The following PLCG1 variants were observed in gnomAD, a reference collection of about 807,000 sequenced individuals.
PLCG1 encodes phospholipase C gamma 1, also known as 1-phosphatidylinositol 4,5-bisphosphate phosphodiesterase gamma-1.
A neutral mutation model predicts 177.8 loss-of-function variants in PLCG1; 71 were observed. The ratio of observed to expected loss-of-function variants is 0.40; its 90% CI spans 0.33 to 0.49. The LOEUF is 0.49. Ranked by LOEUF, PLCG1 falls within the 20% of genes least tolerant of loss-of-function variation. The pLI is 0.72. For missense variants in PLCG1, 1,281 were observed against 1,709.0 expected, an observed-to-expected ratio of 0.75 and a Z score of 4.42; for synonymous variants, 658 against 647.9, an observed-to-expected ratio of 1.02 and a Z score of -0.24.
chr20:41,149,827 CAGAGCTTCAAGGAG>C (rs2035110387), intron 1 of PLCG1, among the ~76,000 whole-genome samples: 1 of 152,118 alleles, frequency 6.6e-6, no homozygotes, highest in Non-Finnish European at 1.5e-5. Flanking sequence ...AAATCAAGGG[CAGAGCTTCAAGGAG>C]AGAGGGCGTG....
rs2146020506 is a variant in PLCG1 at position 41,153,778 on chromosome 20, C to G, written c.218-5828C>G. Among the ~76,000 whole-genome samples, 1 of 152,252 alleles carries G rather than the reference C, an allele frequency of 6.6e-6. No homozygotes were observed. The highest frequency in any genetic ancestry group is 2.1e-4 in the South Asian group (1 of 4,812). On this transcript the variant is annotated intron_variant, in intron 1 of 31. Transcript: ENST00000685551. This position sits in a 1 kb window ranked among gnomAD's most constrained non-coding sequence, Gnocchi z 5.1. ...GGGCATGGTGGTGTGCATCTGTAAT[C>G]CCAGCTACTTGGGAGACTGAGGTAT... is the stretch of plus-strand genomic sequence containing the variant.
At position 41,167,741 on chromosome 20, in the gene PLCG1, A is replaced by G. The variant is rs996900777; in HGVS notation, c.2302-111A>G. 6 of 743,078 alleles carry G rather than the reference A, an allele frequency of 8.1e-6. No individual in the cohort carries two copies. The African/African-American group carries it at 1.0e-4, about 13-fold the overall frequency. 46.0% of individuals were successfully genotyped at this position (743,078 alleles called of 1,614,324 possible). A position where few individuals can be genotyped will look rare whatever the true frequency, so the allele number is the denominator to read the frequency against. On this transcript the variant is annotated intron_variant, in intron 19 of 31. Transcript: ENST00000685551. The surrounding 1 kb of genome is among the most constrained non-coding windows in gnomAD (Gnocchi z 4.4). ...TGAGGTCGAAGGATCCCTGTGGATCAGGTGCAAGTTTGCTGCACTGGGGGA... is the reference window on the plus strand; with the variant it reads ...TGAGGTCGAAGGATCCCTGTGGATCGGGTGCAAGTTTGCTGCACTGGGGGA...
rs745901316 is a variant in PLCG1 at position 41,163,172 on chromosome 20, A to G, written c.717-31A>G. 6 of 1,548,344 alleles carry G rather than the reference A, an allele frequency of 3.9e-6. No homozygotes were observed. The highest frequency in any genetic ancestry group is 5.2e-6 in the Non-Finnish European group (6 of 1,147,682). On this transcript the variant is annotated intron_variant, in intron 7 of 31. Transcript: ENST00000685551. This position sits in a 1 kb window ranked among gnomAD's most constrained non-coding sequence, Gnocchi z 5.2. ...TGGGGCACCTTGTTGTCTGTTGACC[A>G]TACTAGCTAGCTTACCTTCTCTCCC... is the stretch of plus-strand genomic sequence containing the variant.
chr20:41,162,235 G>GTTTT lies in PLCG1; in HGVS notation c.513-200_513-197dup, dbSNP rs11426520. ...GGTTTTTTTTGTTTGTTTTGTTTTT[G>GTTTT]TTTTTTTTTTTTTTTTTTTTGCTCA... On this transcript the variant is annotated intron_variant, in intron 4 of 31. Coordinates refer to ENST00000685551, the MANE Select transcript of PLCG1 (RefSeq NM_002660.3). 69 of 143,636 alleles carry GTTTT rather than the reference G, an allele frequency of 4.8e-4. 2 individuals are homozygous for GTTTT. Among genetic ancestry groups the GTTTT allele is most frequent in the East Asian group, 1.7e-3 (8 of 4,810 alleles). The allele number at this position is 143,636 out of a possible 1,614,324, so 8.9% of individuals were successfully genotyped here. A position where few individuals can be genotyped will look rare whatever the true frequency, so the allele number is the denominator to read the frequency against.
intron 1 of PLCG1, among the ~76,000 whole-genome samples, chr20:41,154,455 C>T (rs941339624): frequency 6.6e-6 from 1 of 152,262 alleles, no homozygotes; most frequent in Non-Finnish European, 1.5e-5. Context: ...CTTTGCTCTT[C>T]TCTTTCTCTT....
chr20:41,170,572 G>GAGT (rs1568756275), intron 24 of PLCG1: 1 of 319,492 alleles, frequency 3.1e-6, no homozygotes. Context: ...AGCAGGAGTG[G>GAGT]AGTGGGGGCT....
In PLCG1 at chr20:41,172,830, G is replaced by C. The variant is rs569452086; in HGVS notation, c.3232G>C (p.Asp1078His). 6.2e-7 allele frequency: 1 copy of C among 1,614,194 alleles called. No individual in the cohort carries two copies. The highest frequency in any genetic ancestry group is 1.3e-5 in the African/African-American group (1 of 75,060). Reference sequence around the variant, plus strand: ...GCGGGATGAGGCCTTCGACCCCTTTGACAAGAGCAGCCTCCGCGGGCTGGA... The same window carrying C: ...GCGGGATGAGGCCTTCGACCCCTTTCACAAGAGCAGCCTCCGCGGGCTGGA... ...TMRDEAFDPF[D>H]KSSLRGLEPC... is the part of the protein sequence containing the mutation. Residue 1078 changes from aspartate to histidine, a missense_variant, in exon 27 of 32, where the codon GAC (aspartate) becomes CAC (histidine). This residue lies in a region of PLCG1 where 723 missense variants were observed against 1,030.0 expected (regional missense o/e 0.70). Transcript: ENST00000685551. The surrounding 1 kb of genome is among the most constrained non-coding windows in gnomAD (Gnocchi z 7.0).
chr20:41,170,177 C>T lies in PLCG1; in HGVS notation c.2716C>T (p.His906Tyr). 6.2e-7 allele frequency: 1 copy of T among 1,614,078 alleles called. No individual in the cohort carries two copies. The highest frequency in any genetic ancestry group is 8.5e-7 in the Non-Finnish European group (1 of 1,179,962). Residue 906 changes from histidine to tyrosine, a missense_variant, in exon 24 of 32, where the codon CAC becomes TAC. Around this residue, in one of 4 missense-constraint regions of PLCG1, gnomAD observed 723 missense variants for 1,030.0 expected, o/e 0.70. Transcript: ENST00000685551. ...VFSISMASVAHWSLDVAADSQ... is the reference protein window; with the variant it reads ...VFSISMASVAYWSLDVAADSQ... Reference sequence around the variant, plus strand: ...CTCCATCAGCATGGCGTCGGTGGCCCACTGGTCCCTGGATGTTGCTGCCGA... The same window carrying T: ...CTCCATCAGCATGGCGTCGGTGGCCTACTGGTCCCTGGATGTTGCTGCCGA...
intron 6 of PLCG1, 76 bp downstream of exon 6, chr20:41,162,801 C>T (rs1284784950): frequency 2.2e-6 from 3 of 1,386,538 alleles, no homozygotes; most frequent in African/African-American, 1.4e-5. Context: ...CCTGCCTCAG[C>T]CCTGCTGCCC....
rs1300435385 is a variant in PLCG1 at position 41,172,317 on chromosome 20, G to A, written c.2905+28G>A. 1 of 1,590,484 alleles carries A rather than the reference G, an allele frequency of 6.3e-7. No homozygotes were observed. Among genetic ancestry groups the A allele is most frequent in the Non-Finnish European group, 8.6e-7 (1 of 1,158,316 alleles). On this transcript the variant is annotated intron_variant, in intron 25 of 31. Transcript: ENST00000685551. The surrounding 1 kb of genome is among the most constrained non-coding windows in gnomAD (Gnocchi z 7.0). Reference sequence around the variant, plus strand: ...AAGGGCCAGGGCCCAGGCGGGGTGTGCATGTGCCTGGAGGGCCTGGTGGGT... The same window carrying A: ...AAGGGCCAGGGCCCAGGCGGGGTGTACATGTGCCTGGAGGGCCTGGTGGGT...
Position 41,166,341 on chromosome 20 carries a change from T to C in PLCG1, c.1947T>C (p.Phe649=). ...AGGTGCCCCTGCGCTGTAATGAGTTTGAGATGCGACTTTCAGAGCCTGTCC... is the reference window on the plus strand; with the variant it reads ...AGGTGCCCCTGCGCTGTAATGAGTTCGAGATGCGACTTTCAGAGCCTGTCC... ...YQQVPLRCNE[F]EMRLSEPVPQ... is the part of the protein sequence containing the mutation. The change falls in exon 17 of 32, where the codon TTT becomes TTC. Residue 649 remains phenylalanine (F), a synonymous_variant. Coordinates refer to ENST00000685551, the MANE Select transcript of PLCG1 (RefSeq NM_002660.3). The surrounding 1 kb of genome is among the most constrained non-coding windows in gnomAD (Gnocchi z 8.6). 6.2e-7 allele frequency: 1 copy of C among 1,614,104 alleles called. No homozygotes were observed. The highest frequency in any genetic ancestry group is 8.5e-7 in the Non-Finnish European group (1 of 1,180,000).
At position 41,177,336 on chromosome 20, in the gene PLCG1, T is replaced by G. The variant is rs114288140; in HGVS notation, c.*2827T>G. 4.2e-4 allele frequency: 64 copies of G among 152,394 alleles called. No homozygotes were observed. Among genetic ancestry groups the G allele is most frequent in the African/African-American group, 1.3e-3 (54 of 41,596 alleles). The allele number at this position is 152,394 out of a possible 1,614,324, so 9.4% of individuals were successfully genotyped here. The stretch of plus-strand genomic sequence containing the variant: ...CCCGCCACAGGACTAAAGACTGCCC[T>G]GCGGGAAGATGGCAGGAGCAGTTTC... On this transcript the variant is annotated 3_prime_UTR_variant, in exon 32 of 32. Coordinates refer to ENST00000685551, the MANE Select transcript of PLCG1 (RefSeq NM_002660.3).
Position 41,172,367 on chromosome 20 carries a change from C to A in PLCG1, c.2906-54C>A. ...TGCAAAAAGAGTATTTAGGTATCCC[C>A]CCAACACTTCCTGGGTGGGCGGGCT... On this transcript the variant is annotated intron_variant, in intron 25 of 31. Transcript: ENST00000685551. The surrounding 1 kb of genome is among the most constrained non-coding windows in gnomAD (Gnocchi z 7.0). 6.3e-7 allele frequency: 1 copy of A among 1,584,026 alleles called. No individual in the cohort carries two copies. The highest frequency in any genetic ancestry group is 8.7e-7 in the Non-Finnish European group (1 of 1,152,640).
rs545272344 is a variant in PLCG1 at position 41,168,599 on chromosome 20, G to C, written c.2380-168G>C. Reference sequence around the variant, plus strand: ...ATATCTGTCCTGGAGCTTCCCTGCAGGGCAGTAACAAGAACTATAACTAGG... The same window carrying C: ...ATATCTGTCCTGGAGCTTCCCTGCACGGCAGTAACAAGAACTATAACTAGG... On this transcript the variant is annotated intron_variant, in intron 20 of 31. Coordinates refer to ENST00000685551, the MANE Select transcript of PLCG1 (RefSeq NM_002660.3). 4.6e-5 allele frequency among the ~76,000 whole-genome samples: 7 copies of C among 152,348 alleles called. No homozygotes were observed. The East Asian group carries it at 1.4e-3, about 29-fold the overall frequency.
rs986204315 is a variant in PLCG1, at chr20:41,137,966, C to A, written c.217+108C>A. On this transcript the variant is annotated intron_variant, in intron 1 of 31. Coordinates refer to ENST00000685551, the MANE Select transcript of PLCG1 (RefSeq NM_002660.3). The surrounding 1 kb of genome is among the most constrained non-coding windows in gnomAD (Gnocchi z 7.3). ...CGCCCCAGCGACTTGGGCAAACTTT[C>A]GGGCCCTCCCAGACTCCCTCCGGGC... 1 of 761,904 alleles carries A rather than the reference C, an allele frequency of 1.3e-6. No homozygotes were observed. The highest frequency in any genetic ancestry group is 1.8e-6 in the Non-Finnish European group (1 of 553,502). The allele number at this position is 761,904 out of a possible 1,614,324, so 47.2% of individuals were successfully genotyped here. A position where few individuals can be genotyped will look rare whatever the true frequency, so the allele number is the denominator to read the frequency against.
In PLCG1 at chr20:41,137,650, C is replaced by T. The variant is rs537490613; in HGVS notation, c.9C>T (p.Gly3=). 1.4e-4 allele frequency: 184 copies of T among 1,318,512 alleles called. 1 individual carries two copies. Among genetic ancestry groups the T allele is most frequent in the Non-Finnish European group, 1.4e-5 (14 of 1,034,154 alleles). The allele number at this position is 1,318,512 out of a possible 1,614,324, so 81.7% of individuals were successfully genotyped here. The change falls in exon 1 of 32, where the codon GGC becomes GGT. Residue 3 remains glycine, a synonymous_variant. Coordinates refer to ENST00000685551, the MANE Select transcript of PLCG1 (RefSeq NM_002660.3). The surrounding 1 kb of genome is among the most constrained non-coding windows in gnomAD (Gnocchi z 7.3). ...CCCCCAGCGTCGGAGCCATGGCGGG[C>T]GCCGCGTCCCCTTGCGCCAACGGCT... MA[G]AASPCANGCG...
In PLCG1 at chr20:41,164,828, C is replaced by A; in HGVS notation, c.1218-105C>A. On this transcript the variant is annotated intron_variant, in intron 12 of 31. Transcript: ENST00000685551. This position sits in a 1 kb window ranked among gnomAD's most constrained non-coding sequence, Gnocchi z 6.4. Reference sequence around the variant, plus strand: ...TCTTTTCTGGGATAGTTTTTACAGACAAGAAGCCCCCAGGCCCTTGGCTTC... The same window carrying A: ...TCTTTTCTGGGATAGTTTTTACAGAAAAGAAGCCCCCAGGCCCTTGGCTTC... 1.8e-6 allele frequency: 2 copies of A among 1,130,972 alleles called. No homozygotes were observed. Among genetic ancestry groups the A allele is most frequent in the Non-Finnish European group, 2.5e-6 (2 of 787,942 alleles). 70.1% of individuals were successfully genotyped at this position (1,130,972 alleles called of 1,614,324 possible).
In PLCG1 at chr20:41,156,339, A is replaced by G. The variant is rs2035320421; in HGVS notation, c.218-3267A>G. 6.6e-6 allele frequency among the ~76,000 whole-genome samples: 1 copy of G among 152,154 alleles called. No individual in the cohort carries two copies. Among genetic ancestry groups the G allele is most frequent in the African/African-American group, 2.4e-5 (1 of 41,434 alleles). On this transcript the variant is annotated intron_variant, in intron 1 of 31. Transcript: ENST00000685551. The surrounding 1 kb of genome is among the most constrained non-coding windows in gnomAD (Gnocchi z 5.0). ...ACTGTGGGCTTGGGGACATGGTGCCATTCCTGAAGCCTGGGCAGCCATCAC... is the reference window on the plus strand; with the variant it reads ...ACTGTGGGCTTGGGGACATGGTGCCGTTCCTGAAGCCTGGGCAGCCATCAC...
In PLCG1 at chr20:41,159,771, G is replaced by T; in HGVS notation, c.370+13G>T. The stretch of plus-strand genomic sequence containing the variant: ...CTGAGCCTGCAAGGTGGGAGTTAAG[G>T]GGGTAGAGGAGGTAGAGGATAGTTA... On this transcript the variant is annotated intron_variant, in intron 2 of 31. Coordinates refer to ENST00000685551, the MANE Select transcript of PLCG1 (RefSeq NM_002660.3). This position sits in a 1 kb window ranked among gnomAD's most constrained non-coding sequence, Gnocchi z 6.0. 1.2e-6 allele frequency: 2 copies of T among 1,614,186 alleles called. No individual in the cohort carries two copies. Among genetic ancestry groups the T allele is most frequent in the Non-Finnish European group, 1.7e-6 (2 of 1,180,022 alleles).
Sources: gnomAD v4.1 joint callset for allele counts (sites outside exome capture counted in the v4.1 genomes callset) on GRCh38, gnomAD v4.1.1 for gene constraint, gnomAD v4.1.1 regional missense constraint, Gnocchi (gnomAD v3.1) non-coding constraint, MANE v1.5 for transcripts, NCBI Gene and HGNC (gene_info 2026-07-23, HGNC 2026-07-21) for gene names.